The following SIPA1L1 variants were observed in gnomAD, a reference collection of about 807,000 sequenced individuals.
SIPA1L1 encodes the protein signal-induced proliferation-associated 1-like protein 1.
In SIPA1L1, 26 loss-of-function variants were observed where a neutral mutation model predicts 162.7. That is an observed-to-expected ratio of 0.16 (90% CI 0.12 to 0.22). The LOEUF (loss-of-function observed/expected upper bound fraction) is 0.22. Ranked by LOEUF, SIPA1L1 falls within the 10% of genes least tolerant of loss-of-function variation. The pLI, the probability that SIPA1L1 is intolerant of heterozygous loss-of-function variation, is 1.00. For missense variants in SIPA1L1, 1,874 were observed against 2,241.0 expected, an observed-to-expected ratio of 0.84 and a Z score of 3.31; for synonymous variants, 829 against 837.4, an observed-to-expected ratio of 0.99 and a Z score of 0.17.
intron 12 of SIPA1L1, among the ~76,000 whole-genome samples, chr14:71,681,730 G>A (rs139354863): frequency 3.2e-4 from 48 of 152,240 alleles, no homozygotes; most frequent in Middle Eastern, 3.4e-3. Flanking sequence ...TTTCTGACTC[G>A]TGAGTCCAGT....
chr14:71,536,380 G>A (rs1206438554), intron 4 of SIPA1L1, among the ~76,000 whole-genome samples: 4 of 152,204 alleles, frequency 2.6e-5, no homozygotes, highest in Non-Finnish European at 5.9e-5. Flanking sequence ...ACTTCAACCA[G>A]TTGGTCAGTG....
chr14:71,737,151 G>A (rs2085372159), intron 22 of SIPA1L1, among the ~76,000 whole-genome samples: 1 of 152,202 alleles, frequency 6.6e-6, no homozygotes, highest in South Asian at 2.1e-4. Context: ...TCAGCCCACA[G>A]CCTTGCCACA....
At chr14:71,453,253 T>A (rs1319177282) in intron 2 of SIPA1L1, among the ~76,000 whole-genome samples, 1 of 152,104 alleles carries the variant, frequency 6.6e-6, no homozygotes, top group Non-Finnish European at 1.5e-5. Context: ...GGTTTTAGCT[T>A]TTTTGGGGTT....
At chr14:71,548,589 T>C (rs1035020665) in intron 4 of SIPA1L1, among the ~76,000 whole-genome samples, 9 of 151,978 alleles carry the variant, frequency 5.9e-5, no homozygotes, top group African/African-American at 2.2e-4. Context: ...AAAGTAAATG[T>C]GGTATTTAGT....
chr14:71,365,730 ATT>A (rs745583708), intron 2 of SIPA1L1, among the ~76,000 whole-genome samples: 8 of 140,464 alleles, frequency 5.7e-5, no homozygotes, highest in Non-Finnish European at 7.8e-5. Flanking sequence ...GCTATTAAGT[ATT>A]TTTTTTTTTT....
chr14:71,329,315 T>A (rs978379832), intron 2 of SIPA1L1, among the ~76,000 whole-genome samples: 1 of 152,208 alleles, frequency 6.6e-6, no homozygotes, highest in South Asian at 2.1e-4. Context: ...TTTTAATTTT[T>A]TGAGGAACCT....
At chr14:71,631,967 T>C (rs2040618591) in intron 7 of SIPA1L1, among the ~76,000 whole-genome samples, 1 of 152,236 alleles carries the variant, frequency 6.6e-6, no homozygotes, top group South Asian at 2.1e-4. Flanking sequence ...ATTTTTTTTG[T>C]TTTATTTTAA....
chr14:71,446,906 GTTTTTTTTTT>G (rs1189940440), intron 2 of SIPA1L1, among the ~76,000 whole-genome samples: 3 of 53,244 alleles, frequency 5.6e-5, no homozygotes, highest in Non-Finnish European at 9.3e-5. Flanking sequence ...TTTTTTTTTT[GTTTTTTTTTT>G]TTTTTTTTTT....
intron 2 of SIPA1L1, among the ~76,000 whole-genome samples, chr14:71,384,645 A>G (rs1414210481): frequency 6.6e-6 from 1 of 152,238 alleles, no homozygotes; most frequent in Non-Finnish European, 1.5e-5. Context: ...GTAAGTTTCT[A>G]ACACATGGAA....
At chr14:71,529,626 C>A (rs1362544526) in intron 4 of SIPA1L1, among the ~76,000 whole-genome samples, 1 of 152,164 alleles carries the variant, frequency 6.6e-6, no homozygotes, top group African/African-American at 2.4e-5. Context: ...ACTGACTGAA[C>A]ATTAGGGTTG....
chr14:71,711,983 G>C (rs2150037106), intron 17 of SIPA1L1, among the ~76,000 whole-genome samples: 1 of 152,336 alleles, frequency 6.6e-6, no homozygotes, highest in East Asian at 1.9e-4. Context: ...GAGTGAGTTG[G>C]ATAATCAGAG....
chr14:71,460,892 G>T (rs1325990638), intron 2 of SIPA1L1, among the ~76,000 whole-genome samples: 1 of 152,162 alleles, frequency 6.6e-6, no homozygotes, highest in Non-Finnish European at 1.5e-5. Context: ...CATTGTAATT[G>T]TGACTTCAAA....
In SIPA1L1 at chr14:71,671,394, A is replaced by C. The variant is rs567556117; in HGVS notation, c.2531A>C (p.Lys844Thr). The C allele has an allele frequency of 6.2e-7, 1 of 1,614,208 alleles. No homozygotes were observed. The highest frequency in any genetic ancestry group is 1.1e-5 in the South Asian group (1 of 91,084). ...TCTCTGGCTTCCAAGAAGAAGGAAA[A>C]GTCTAAGCCATATCCAGGAGCCGAG... ...FISLASKKKEKSKPYPGAELS... is the reference protein window; with the variant it reads ...FISLASKKKETSKPYPGAELS... The change falls in exon 11 of 24, where the codon AAG (lysine) becomes ACG (threonine). Residue 844 changes from lysine (K) to threonine (T), a missense_variant. This residue lies in a region of SIPA1L1 where 243 missense variants were observed against 315.0 expected (regional missense o/e 0.77). Coordinates refer to ENST00000381232, the MANE Select transcript of SIPA1L1 (RefSeq NM_001386936.1).
intron 7 of SIPA1L1, among the ~76,000 whole-genome samples, chr14:71,648,775 A>C (rs904010892): frequency 6.6e-6 from 1 of 152,258 alleles, no homozygotes; most frequent in African/African-American, 2.4e-5. Flanking sequence ...TCAGAATTGC[A>C]AATAAGAAGT....
At chr14:71,330,808 A>G (rs1158961682) in intron 2 of SIPA1L1, 4 of 662,002 alleles carry the variant, frequency 6.0e-6, no homozygotes, top group South Asian at 3.5e-5. Flanking sequence ...GCTTCACTCC[A>G]TATTCTAGAT....
chr14:71,330,803 A>G, intron 2 of SIPA1L1: 1 of 686,596 alleles, frequency 1.5e-6, no homozygotes, highest in Non-Finnish European at 2.7e-6. Flanking sequence ...CTCAGGCTTC[A>G]CTCCATATTC....
At chr14:71,438,163 A>G (rs192138484) in intron 2 of SIPA1L1, among the ~76,000 whole-genome samples, 1 of 152,290 alleles carries the variant, frequency 6.6e-6, no homozygotes, top group East Asian at 1.9e-4. Flanking sequence ...ACAAAACAAA[A>G]CAAAACTCGT....
intron 2 of SIPA1L1, among the ~76,000 whole-genome samples, chr14:71,417,623 T>A (rs2042901339): frequency 6.6e-6 from 1 of 151,486 alleles, no homozygotes; most frequent in Non-Finnish European, 1.5e-5. Context: ...AAGAAGAGAT[T>A]GGTCTTGCTG....
chr14:71,566,819 T>A (rs2030705246), intron 4 of SIPA1L1, among the ~76,000 whole-genome samples: 1 of 152,218 alleles, frequency 6.6e-6, no homozygotes, highest in African/African-American at 2.4e-5. Context: ...TTACAAATCT[T>A]ACCATGTTAA....
Sources: gnomAD v4.1 joint callset for allele counts (sites outside exome capture counted in the v4.1 genomes callset) on GRCh38, gnomAD v4.1.1 for gene constraint, gnomAD v4.1.1 regional missense constraint, MANE v1.5 for transcripts, NCBI Gene and HGNC (gene_info 2026-07-23, HGNC 2026-07-21) for gene names.